Variants in BANK1 observed in about 807,000 individuals in gnomAD.
The protein encoded by BANK1 is B-cell scaffold protein with ankyrin repeats.
BANK1 carries 95 observed loss-of-function variants against 94.5 expected under a neutral mutation model. The ratio of observed to expected loss-of-function variants is 1.00; its 90% CI spans 0.85 to 1.19. The LOEUF is 1.19. Ranked by LOEUF, BANK1 falls within the 50% of genes most tolerant of loss-of-function variation. The pLI, the probability that BANK1 is intolerant of heterozygous loss-of-function variation, is 0.00. For synonymous variants in BANK1, 334 were observed against 308.4 expected (o/e 1.08, Z -0.87); for missense variants, 987 against 932.2 (o/e 1.06, Z -0.77).
At chr4:101,810,034 T>C (rs1332065280) in intron 1 of BANK1, among the ~76,000 whole-genome samples, 2 of 152,060 alleles carry the variant, frequency 1.3e-5, no homozygotes, top group Non-Finnish European at 1.5e-5. Context: ...ACAATGATCC[T>C]AAGAGTGAAA....
chr4:101,974,530 C>G (rs1725059384), intron 7 of BANK1, among the ~76,000 whole-genome samples: 1 of 152,094 alleles, frequency 6.6e-6, no homozygotes, highest in Non-Finnish European at 1.5e-5. Flanking sequence ...TAATAACAAC[C>G]TTCCACTGTG....
At chr4:101,830,978 C>T (rs1446256238) in intron 2 of BANK1, among the ~76,000 whole-genome samples, 3 of 152,162 alleles carry the variant, frequency 2.0e-5, no homozygotes, top group African/African-American at 7.2e-5. Context: ...GAATGTCTCT[C>T]TTGCAGTTTC....
chr4:101,950,065 G>GCA (rs1215374782), intron 7 of BANK1, among the ~76,000 whole-genome samples: 9 of 128,090 alleles, frequency 7.0e-5, no homozygotes, highest in East Asian at 2.2e-4. Flanking sequence ...GTGTGTGCGC[G>GCA]TGCGCGCGCA....
chr4:102,025,512 A>G lies in BANK1; in HGVS notation c.1594+3A>G, dbSNP rs1455587488. 1 of 1,607,056 alleles carries G rather than the reference A, an allele frequency of 6.2e-7. No individual in the cohort carries two copies. Among genetic ancestry groups the G allele is most frequent in the Non-Finnish European group, 8.5e-7 (1 of 1,179,342 alleles). On this transcript the variant is annotated splice_donor_region_variant and intron_variant, in intron 9 of 16. Transcript: ENST00000322953. ...AAGACCTCACTTCACCTTACCAGGT[A>G]AGTTTAAGGTTAGAAAAAAACAAAA...
intron 6 of BANK1, among the ~76,000 whole-genome samples, chr4:101,917,082 T>A (rs1484811555): frequency 6.6e-6 from 1 of 151,946 alleles, no homozygotes; most frequent in Non-Finnish European, 1.5e-5. Flanking sequence ...TAAAGCAAAT[T>A]GACAGTTTTC....
At chr4:101,818,379 G>A (rs1421627) in intron 1 of BANK1, among the ~76,000 whole-genome samples, 50,004 of 152,060 alleles carry the variant, frequency 0.33, 8,586 homozygotes, top group African/African-American at 0.44. Context: ...ACCTGGTTAT[G>A]TTTATGAAAA....
chr4:102,028,700 ATC>A (rs1377544310), intron 9 of BANK1, among the ~76,000 whole-genome samples: 2 of 152,198 alleles, frequency 1.3e-5, no homozygotes, highest in East Asian at 1.9e-4. Context: ...AGCATATTAT[ATC>A]TGTTATTAAT....
At chr4:102,067,766 T>C (rs1236142780) in intron 13 of BANK1, among the ~76,000 whole-genome samples, 1 of 152,048 alleles carries the variant, frequency 6.6e-6, no homozygotes, top group Non-Finnish European at 1.5e-5. Context: ...TCATTAAAGA[T>C]ACAGAAGACC....
At position 102,017,584 on chromosome 4, in the gene BANK1, G is replaced by A. The variant is rs188261775; in HGVS notation, c.1207-3930G>A. 3.3e-5 allele frequency among the ~76,000 whole-genome samples: 5 copies of A among 152,260 alleles called. No homozygotes were observed. The East Asian group carries it at 9.6e-4, about 29-fold the overall frequency. On this transcript the variant is annotated intron_variant, in intron 7 of 16. Transcript: ENST00000322953. ...CAGTCACAGAAGCCAACCCTCCATC[G>A]ACATTTTGAAAGCTAACCATTTTCA...
intron 2 of BANK1, among the ~76,000 whole-genome samples, chr4:101,838,243 A>T (rs1176935073): frequency 6.6e-6 from 1 of 152,046 alleles, no homozygotes. Flanking sequence ...ACAGGCATGA[A>T]CCATCATGCC....
chr4:101,888,995 A>G (rs1271621510), intron 5 of BANK1, among the ~76,000 whole-genome samples: 3 of 152,054 alleles, frequency 2.0e-5, no homozygotes, highest in African/African-American at 7.2e-5. Flanking sequence ...GTGCTTTTAT[A>G]TAAGTATCTA....
Position 101,877,944 on chromosome 4 carries a change from A to G in BANK1, c.903+7300A>G, listed in dbSNP as rs2148884162. On this transcript the variant is annotated intron_variant, in intron 5 of 16. Coordinates refer to ENST00000322953, the MANE Select transcript of BANK1 (RefSeq NM_017935.5). Reference sequence around the variant, plus strand: ...TTGGTTACTTCAAACCAAAATAAATACAATGGGCACACAAAACAAATACAA... The same window carrying G: ...TTGGTTACTTCAAACCAAAATAAATGCAATGGGCACACAAAACAAATACAA... Among the ~76,000 whole-genome samples, 3 of 152,308 alleles carry G rather than the reference A, an allele frequency of 2.0e-5. No individual in the cohort carries two copies. The Middle Eastern group carries it at 0.01, about 518-fold the overall frequency.
At chr4:101,891,691 A>G (rs549370355) in intron 5 of BANK1, among the ~76,000 whole-genome samples, 16 of 151,610 alleles carry the variant, frequency 1.1e-4, no homozygotes, top group African/African-American at 2.4e-4. Flanking sequence ...TTTTCTTCCT[A>G]TTGTTCAGAT....
At chr4:102,060,435 G>A (rs1728381167) in intron 12 of BANK1, 46 bp downstream of exon 12, 3 of 1,548,352 alleles carry the variant, frequency 1.9e-6, no homozygotes, top group Middle Eastern at 1.7e-4. Context: ...CACTTGTGGA[G>A]CCCCTAGTTT....
rs70964197 is a variant in BANK1 at position 101,839,937 on chromosome 4, A to ATTTT, written c.469+9777_469+9780dup. 1.1e-4 allele frequency among the ~76,000 whole-genome samples: 6 copies of ATTTT among 53,088 alleles called. 2 individuals carry two copies. The highest frequency in any genetic ancestry group is 1.8e-4 in the Non-Finnish European group (5 of 27,274). The allele number at this position is 53,088 out of a possible 152,430, so 34.8% of individuals were successfully genotyped here. A position where few individuals can be genotyped will look rare whatever the true frequency, so the allele number is the denominator to read the frequency against. On this transcript the variant is annotated intron_variant, in intron 2 of 16. Transcript: ENST00000322953. ...GCTACTATATAATTTCAAATATTTA[A>ATTTT]TTTTTTTTTTTTTTTTTTTTTTTTT...
rs72931986 is a variant in BANK1, at chr4:102,015,624, C to T, written c.1207-5890C>T. 6.7e-3 allele frequency among the ~76,000 whole-genome samples: 1,020 copies of T among 152,214 alleles called. 12 individuals carry two copies. The highest frequency in any genetic ancestry group is 0.023 in the African/African-American group (944 of 41,528). ...CTTTGGAGGAGTGTCCTGGAAAAGA[C>T]GGTTGTAAACAATAGTACTGGTTAC... On this transcript the variant is annotated intron_variant, in intron 7 of 16. Transcript: ENST00000322953.
intron 11 of BANK1, 75 bp downstream of exon 11, chr4:102,043,982 G>T: frequency 1.2e-6 from 1 of 820,766 alleles, no homozygotes; most frequent in Non-Finnish European, 2.0e-6. Context: ...ACAGAGTAAA[G>T]CCTCCTAGGA....
intron 7 of BANK1, among the ~76,000 whole-genome samples, chr4:101,943,475 G>A (rs1419063143): frequency 3.3e-5 from 5 of 151,806 alleles, no homozygotes; most frequent in Admixed American, 3.3e-4. Context: ...GGTCATGGTG[G>A]GTGGATTGGT....
At position 102,063,056 on chromosome 4, in the gene BANK1, T is replaced by A. The variant is rs768253881; in HGVS notation, c.2149-19T>A. On this transcript the variant is annotated intron_variant, in intron 12 of 16. Transcript: ENST00000322953. Reference sequence around the variant, plus strand: ...AAATTTGAAAATCATAACTATGTCCTGGTTGTTTCCACATTAAGGAGAAAT... The same window carrying A: ...AAATTTGAAAATCATAACTATGTCCAGGTTGTTTCCACATTAAGGAGAAAT... 5 of 1,608,268 alleles carry A rather than the reference T, an allele frequency of 3.1e-6. No homozygotes were observed. The highest frequency in any genetic ancestry group is 2.6e-6 in the Non-Finnish European group (3 of 1,175,262).
Sources: gnomAD v4.1 joint callset for allele counts (sites outside exome capture counted in the v4.1 genomes callset) on GRCh38, gnomAD v4.1.1 for gene constraint, MANE v1.5 for transcripts, NCBI Gene and HGNC (gene_info 2026-07-23, HGNC 2026-07-21) for gene names.